The following CIMIP5 variants were observed in gnomAD, a reference collection of about 807,000 sequenced individuals.
CIMIP5 encodes the protein uncharacterized protein C2orf50.
the CIMIP5 span, among the ~76,000 whole-genome samples, chr2:11,139,943 C>T: frequency 0.26 from 39,138 of 151,530 alleles, 5,272 homozygotes; most frequent in East Asian, 0.43. Context: ...AAAAATTAGC[C>T]GGGTGTGGTG....
the CIMIP5 span, among the ~76,000 whole-genome samples, chr2:11,140,086 CAAAAA>C: frequency 1.1e-3 from 96 of 84,772 alleles, 1 homozygote; most frequent in African/African-American, 4.9e-3. Flanking sequence ...GACTCCCTCT[CAAAAA>C]AAAAAAAAAA....
the CIMIP5 span, among the ~76,000 whole-genome samples, chr2:11,136,257 A>G: frequency 1.3e-5 from 2 of 152,232 alleles, no homozygotes; most frequent in African/African-American, 4.8e-5. Context: ...GGTATGTATC[A>G]TGTTAGAAAG....
At chr2:11,137,265 C>A in the CIMIP5 span, among the ~76,000 whole-genome samples, 1 of 152,018 alleles carries the variant, frequency 6.6e-6, no homozygotes, top group Admixed American at 6.6e-5. Context: ...CCCAGCTACT[C>A]AGGAGGCTGA....
chr2:11,144,226 T>C, the CIMIP5 span: 1 of 836,598 alleles, frequency 1.2e-6, no homozygotes. Context: ...CTGCACTGTC[T>C]GTAAGCTGCA....
the CIMIP5 span, among the ~76,000 whole-genome samples, chr2:11,137,556 CT>C: frequency 6.6e-6 from 1 of 152,206 alleles, no homozygotes; most frequent in African/African-American, 2.4e-5. Flanking sequence ...TCCAACCTAT[CT>C]TTAATCAAAA....
At chr2:11,143,580 A>C in the CIMIP5 span, among the ~76,000 whole-genome samples, 1 of 152,250 alleles carries the variant, frequency 6.6e-6, no homozygotes, top group Admixed American at 6.5e-5. Context: ...AAAAAAAAAA[A>C]AAAAATCAAA....
At chr2:11,148,732 C>CTTTTTTTTTTTTT in the CIMIP5 span, among the ~76,000 whole-genome samples, 163 of 35,532 alleles carry the variant, frequency 4.6e-3, 14 homozygotes, top group African/African-American at 7.6e-3. Flanking sequence ...AATGAAAACT[C>CTTTTTTTTTTTTT]TTTTTTTTTT....
chr2:11,133,398 A>G, the CIMIP5 span: 1 of 1,611,556 alleles, frequency 6.2e-7, no homozygotes, highest in Non-Finnish European at 8.5e-7. Context: ...ATTGCCCCCC[A>G]CCAGGCCACC....
the CIMIP5 span, among the ~76,000 whole-genome samples, chr2:11,135,132 C>T: frequency 6.6e-6 from 1 of 152,100 alleles, no homozygotes; most frequent in Non-Finnish European, 1.5e-5. Context: ...CATTCGTGAC[C>T]CAAACACCTC....
the CIMIP5 span, among the ~76,000 whole-genome samples, chr2:11,154,040 G>C: frequency 1.3e-5 from 2 of 152,026 alleles, no homozygotes; most frequent in Non-Finnish European, 2.9e-5. Context: ...GAAGTGGCGC[G>C]ATCTCGACTC....
the CIMIP5 span, among the ~76,000 whole-genome samples, chr2:11,141,005 C>T: frequency 3.9e-5 from 6 of 152,170 alleles, no homozygotes; most frequent in African/African-American, 1.4e-4. Flanking sequence ...TGTAGCTCCC[C>T]TGATTAAAAT....
the CIMIP5 span, among the ~76,000 whole-genome samples, chr2:11,154,433 A>C: frequency 6.6e-6 from 1 of 152,046 alleles, no homozygotes; most frequent in African/African-American, 2.4e-5. Context: ...TCCGAAGCTG[A>C]CCCAGCTCCC....
At chr2:11,138,579 T>G in the CIMIP5 span, among the ~76,000 whole-genome samples, 1 of 148,582 alleles carries the variant, frequency 6.7e-6, no homozygotes. Context: ...CCAAATCGCA[T>G]GTTGAATAGT....
the CIMIP5 span, among the ~76,000 whole-genome samples, chr2:11,151,153 C>G: frequency 6.6e-6 from 1 of 152,196 alleles, no homozygotes; most frequent in Non-Finnish European, 1.5e-5. Flanking sequence ...TGGAAGCCCC[C>G]CTCTTCGAGT....
the CIMIP5 span, chr2:11,140,537 C>A: frequency 6.4e-7 from 1 of 1,574,316 alleles, no homozygotes; most frequent in South Asian, 1.1e-5. Flanking sequence ...TCCTGAAAGA[C>A]TATGACCCAA....
the CIMIP5 span, among the ~76,000 whole-genome samples, chr2:11,150,556 T>C: frequency 6.6e-6 from 1 of 151,572 alleles, no homozygotes; most frequent in Non-Finnish European, 1.5e-5. Flanking sequence ...GGTCTTGAAC[T>C]CTTGACCTCA....
the CIMIP5 span, among the ~76,000 whole-genome samples, chr2:11,154,063 G>A: frequency 1.3e-5 from 2 of 151,930 alleles, no homozygotes; most frequent in Non-Finnish European, 2.9e-5. Flanking sequence ...TGCAACCTCC[G>A]CCTCCTGGGT....
the CIMIP5 span, among the ~76,000 whole-genome samples, chr2:11,136,270 T>A: frequency 1.3e-5 from 2 of 152,218 alleles, no homozygotes; most frequent in Admixed American, 6.5e-5. Context: ...TTAGAAAGGA[T>A]CCAATTTCAT....
the CIMIP5 span, chr2:11,140,571 C>T: frequency 6.5e-7 from 1 of 1,534,786 alleles, no homozygotes; most frequent in African/African-American, 1.4e-5. Context: ...TATGTTCCTG[C>T]CAAACATACT....
Sources: gnomAD v4.1 joint callset for allele counts (sites outside exome capture counted in the v4.1 genomes callset) on GRCh38, gnomAD v4.1.1 for gene constraint, MANE v1.5 for transcripts, NCBI Gene and HGNC (gene_info 2026-07-23, HGNC 2026-07-21) for gene names.